The following EPHA4 variants were observed in gnomAD, a reference collection of about 807,000 sequenced individuals.
The protein encoded by EPHA4 is EPH receptor A4, also known as ephrin type-A receptor 4.
Under a neutral mutation model 108.3 loss-of-function variants are expected in EPHA4, and 19 were observed. That is an observed-to-expected ratio of 0.18 (90% CI 0.12 to 0.26). The LOEUF is 0.26. EPHA4 is among the 10% of genes least tolerant of loss of function. EPHA4 has a pLI of 1.00. For missense variants in EPHA4, 917 were observed against 1,254.0 expected (o/e 0.73, Z 4.06); for synonymous variants, 449 against 455.5 (o/e 0.99, Z 0.18).
intron 3 of EPHA4, among the ~76,000 whole-genome samples, chr2:221,508,905 C>G (rs966059105): frequency 4.6e-5 from 7 of 152,120 alleles, no homozygotes; most frequent in Non-Finnish European, 7.4e-5. Context: ...TTTTTTGATA[C>G]TGTTTCACAA....
chr2:221,482,730 A>G, intron 4 of EPHA4, 40 bp from the exon 5 acceptor site: 1 of 1,516,130 alleles, frequency 6.6e-7, no homozygotes, highest in South Asian at 1.2e-5. Flanking sequence ...AAGAACCGAA[A>G]TACCCTTTTG....
intron 4 of EPHA4, among the ~76,000 whole-genome samples, chr2:221,491,862 T>C (rs534146073): frequency 6.6e-6 from 1 of 152,116 alleles, no homozygotes; most frequent in East Asian, 1.9e-4. Flanking sequence ...GCAAAGAAGA[T>C]ACCCTGGGCT....
intron 9 of EPHA4, among the ~76,000 whole-genome samples, 195 bp from the exon 10 acceptor site, chr2:221,443,801 G>A (rs1190114114): frequency 2.0e-5 from 3 of 152,182 alleles, no homozygotes; most frequent in African/African-American, 7.2e-5. Context: ...TTAAGAGGCT[G>A]CAGCTTTACT....
At chr2:221,535,204 C>T (rs1162817596) in intron 3 of EPHA4, among the ~76,000 whole-genome samples, 1 of 152,182 alleles carries the variant, frequency 6.6e-6, no homozygotes, top group Non-Finnish European at 1.5e-5. Flanking sequence ...AAATGCTGTT[C>T]CTCAACCTAA....
rs932617717 is a variant in EPHA4 at position 221,501,288 on chromosome 2, C to T, written c.824-116G>A. The T allele has an allele frequency of 2.4e-5, 22 of 904,794 alleles. No individual in the cohort carries two copies. The Admixed American group carries it at 5.5e-4, about 23-fold the overall frequency. 56.0% of individuals were successfully genotyped at this position (904,794 alleles called of 1,614,324 possible). On this transcript the variant is annotated intron_variant, in intron 3 of 17. Transcript: ENST00000281821. ...GGGAGACGTTCTTGCTAATCATTAG[C>T]GATCATGTGGCTTGAAATGCAGGTC...
chr2:221,450,058 G>A (rs192509958), intron 8 of EPHA4, among the ~76,000 whole-genome samples: 14 of 152,296 alleles, frequency 9.2e-5, no homozygotes, highest in Admixed American at 4.6e-4. Context: ...AAATGTTCCC[G>A]AGGTATCATC....
intron 9 of EPHA4, 63 bp downstream of exon 9, chr2:221,446,060 G>T: frequency 9.3e-7 from 1 of 1,077,522 alleles, no homozygotes; most frequent in Non-Finnish European, 1.3e-6. Flanking sequence ...ATTTGAACAT[G>T]TTTAAACTAG....
intron 8 of EPHA4, among the ~76,000 whole-genome samples, chr2:221,451,954 T>C (rs908725702): frequency 1.3e-5 from 2 of 152,216 alleles, no homozygotes; most frequent in African/African-American, 4.8e-5. Context: ...CTTCTCCCTA[T>C]AAGCTGCATG....
rs560229957 is a variant in EPHA4 at position 221,571,828 on chromosome 2, A to AT, written c.91+329dup. ...CTCAGGAGAGGACGTGGTTCTTGTA[A>AT]TTTTTTTTTTAAATCCCGGCGTTGT... On this transcript the variant is annotated intron_variant, in intron 1 of 17. Transcript: ENST00000281821. The surrounding 1 kb of genome is among the most constrained non-coding windows in gnomAD (Gnocchi z 6.3). Among the ~76,000 whole-genome samples the AT allele has an allele frequency of 1.3e-4, 19 of 150,636 alleles. No individual in the cohort carries two copies. The highest frequency in any genetic ancestry group is 4.2e-4 in the South Asian group (2 of 4,782).
At chr2:221,482,832 T>C (rs544237756) in intron 4 of EPHA4, 142 bp from the exon 5 acceptor site, 20 of 679,216 alleles carry the variant, frequency 2.9e-5, no homozygotes, top group Middle Eastern at 2.6e-4. Context: ...CAAGCCAGCA[T>C]AAAAGATCTT....
At chr2:221,570,103 G>A (rs1165587602) in intron 1 of EPHA4, among the ~76,000 whole-genome samples, 1 of 151,348 alleles carries the variant, frequency 6.6e-6, no homozygotes, top group Non-Finnish European at 1.5e-5. Flanking sequence ...GGGACACAAA[G>A]GAAACAATAA....
intron 3 of EPHA4, among the ~76,000 whole-genome samples, chr2:221,555,724 T>C (rs1009072198): frequency 6.6e-6 from 1 of 152,314 alleles, no homozygotes; most frequent in Non-Finnish European, 1.5e-5. Context: ...AGGGGACAGC[T>C]GAGGCCTTCT....
chr2:221,512,716 C>A (rs1007410352), intron 3 of EPHA4, among the ~76,000 whole-genome samples: 3 of 152,232 alleles, frequency 2.0e-5, no homozygotes, highest in Admixed American at 1.3e-4. Flanking sequence ...GTAGAAATTT[C>A]ATCCCTTATT....
chr2:221,509,283 G>A (rs936356729), intron 3 of EPHA4, among the ~76,000 whole-genome samples: 2 of 152,126 alleles, frequency 1.3e-5, no homozygotes, highest in African/African-American at 4.8e-5. Context: ...AGCCGAGATC[G>A]TGCCATTGCA....
chr2:221,494,018 G>A (rs536275662), intron 4 of EPHA4, among the ~76,000 whole-genome samples: 2 of 152,236 alleles, frequency 1.3e-5, no homozygotes, highest in South Asian at 2.1e-4. Context: ...AGACAGATTC[G>A]TAAAGGCCCT....
chr2:221,558,677 T>A (rs1029404775), intron 3 of EPHA4, among the ~76,000 whole-genome samples: 1 of 152,152 alleles, frequency 6.6e-6, no homozygotes, highest in African/African-American at 2.4e-5. Context: ...ATGATTTCTA[T>A]GCGATGTTTT....
intron 3 of EPHA4, among the ~76,000 whole-genome samples, chr2:221,533,727 A>C (rs1030180337): frequency 2.1e-3 from 35 of 16,850 alleles, no homozygotes; most frequent in Non-Finnish European, 1.8e-3. Flanking sequence ...ACTAGTGTCA[A>C]AAAAAAAAAA....
At chr2:221,507,445 T>C (rs1692664358) in intron 3 of EPHA4, among the ~76,000 whole-genome samples, 1 of 152,232 alleles carries the variant, frequency 6.6e-6, no homozygotes, top group Non-Finnish European at 1.5e-5. Flanking sequence ...TCAGTTCAAA[T>C]TTCTGCAATT....
intron 3 of EPHA4, among the ~76,000 whole-genome samples, chr2:221,504,327 C>T (rs984250904): frequency 2.2e-5 from 3 of 133,710 alleles, no homozygotes; most frequent in African/African-American, 8.5e-5. Context: ...TTTCTGCTGG[C>T]TTTGAATAAA....
Sources: gnomAD v4.1 joint callset for allele counts (sites outside exome capture counted in the v4.1 genomes callset) on GRCh38, gnomAD v4.1.1 for gene constraint, Gnocchi (gnomAD v3.1) non-coding constraint, MANE v1.5 for transcripts, NCBI Gene and HGNC (gene_info 2026-07-23, HGNC 2026-07-21) for gene names.